GPT2: variants seen among roughly 807,000 people sequenced by gnomAD.
The protein encoded by GPT2 is glutamic--pyruvic transaminase 2, also known as alanine aminotransferase 2.
A neutral mutation model predicts 56.9 loss-of-function variants in GPT2; 30 were observed. The ratio of observed to expected loss-of-function variants is 0.53; its 90% CI spans 0.39 to 0.72. The LOEUF (loss-of-function observed/expected upper bound fraction) is 0.72. Among genes scored for constraint, GPT2 ranks in the 30% least tolerant of loss-of-function variants. GPT2 has a pLI of 0.00. For synonymous variants in GPT2, 271 were observed against 283.1 expected (o/e 0.96, Z 0.43); for missense variants, 542 against 703.4 (o/e 0.77, Z 2.60).
intron 2 of GPT2, chr16:46,885,473 T>G (rs1960465836): frequency 8.1e-6 from 8 of 985,346 alleles, no homozygotes; most frequent in South Asian, 4.7e-5. Flanking sequence ...TTAGGGTCTT[T>G]GCCAATCCTG....
intron 2 of GPT2, among the ~76,000 whole-genome samples, chr16:46,895,973 G>T (rs1960678695): frequency 1.3e-5 from 2 of 152,206 alleles, no homozygotes; most frequent in Admixed American, 1.3e-4. Flanking sequence ...TTGTATTTGG[G>T]GTACCTTTGG....
chr16:46,886,455 C>T (rs947913013), intron 2 of GPT2, among the ~76,000 whole-genome samples: 2 of 152,200 alleles, frequency 1.3e-5, no homozygotes, highest in African/African-American at 4.8e-5. Flanking sequence ...ACTGTCTTTG[C>T]CTTGAGGAAT....
intron 6 of GPT2, among the ~76,000 whole-genome samples, chr16:46,914,643 A>G (rs1341827103): frequency 1.3e-5 from 2 of 152,244 alleles, no homozygotes; most frequent in Non-Finnish European, 2.9e-5. Flanking sequence ...GACAGGAGAC[A>G]CCAAAGCTGG....
intron 2 of GPT2, among the ~76,000 whole-genome samples, chr16:46,891,787 C>A (rs960526907): frequency 3.3e-5 from 5 of 151,652 alleles, no homozygotes; most frequent in African/African-American, 1.2e-4. Flanking sequence ...TATATATACT[C>A]TTTTAGCTTT....
chr16:46,893,241 C>A (rs1469153436), intron 2 of GPT2, among the ~76,000 whole-genome samples: 3 of 152,240 alleles, frequency 2.0e-5, no homozygotes, highest in African/African-American at 7.2e-5. Context: ...CACCATTCTC[C>A]TACCTCAGCC....
At chr16:46,897,112 A>G (rs879345544) in intron 2 of GPT2, among the ~76,000 whole-genome samples, 3 of 152,122 alleles carry the variant, frequency 2.0e-5, no homozygotes, top group Non-Finnish European at 2.9e-5. Context: ...GTCAGGCGCA[A>G]TGGCTCACGC....
chr16:46,897,572 G>C (rs779026675), intron 2 of GPT2, 76 bp from the exon 3 acceptor site: 1 of 1,362,088 alleles, frequency 7.3e-7, no homozygotes, highest in Non-Finnish European at 1.0e-6. Flanking sequence ...AATATCCTGC[G>C]GGAACCTTGC....
chr16:46,909,364 T>A (rs77101269), intron 5 of GPT2, among the ~76,000 whole-genome samples: 2 of 152,172 alleles, frequency 1.3e-5, no homozygotes, highest in East Asian at 3.8e-4. Flanking sequence ...TTGCCCAGGC[T>A]GGTCTCGAAC....
At chr16:46,898,006 C>CAGTGT (rs1424145760) in intron 3 of GPT2, among the ~76,000 whole-genome samples, 5 of 152,088 alleles carry the variant, frequency 3.3e-5, no homozygotes, top group Non-Finnish European at 7.3e-5. Flanking sequence ...TGGGCAAAGG[C>CAGTGT]AGTGGTGGGG....
intron 3 of GPT2, among the ~76,000 whole-genome samples, chr16:46,899,016 T>TTACAC (rs1960759042): frequency 6.3e-4 from 5 of 7,998 alleles, no homozygotes; most frequent in Admixed American, 2.2e-3. Flanking sequence ...TATATATATA[T>TTACAC]ATATATATAT....
Position 46,916,643 on chromosome 16 carries a change from G to A in GPT2, c.836G>A (p.Arg279Lys), listed in dbSNP as rs761896477. The A allele has an allele frequency of 1.2e-5, 19 of 1,613,742 alleles. No homozygotes were observed. Among genetic ancestry groups the A allele is most frequent in the Admixed American group, 1.7e-5 (1 of 60,024 alleles). The change falls in exon 7 of 12, where the codon AGA becomes AAA. Residue 279 changes from arginine to lysine, a missense_variant. Coordinates refer to ENST00000340124, the MANE Select transcript of GPT2 (RefSeq NM_133443.4). ...GATTTTATAGGCCAGGTACAAAGCA[G>A]AAAGTGCATAGAAGATGTGATCCAC... ...PGNPTGQVQSRKCIEDVIHFA... is the reference protein window; with the variant it reads ...PGNPTGQVQSKKCIEDVIHFA...
intron 2 of GPT2, among the ~76,000 whole-genome samples, chr16:46,893,664 C>T (rs572689951): frequency 1.3e-5 from 2 of 152,282 alleles, no homozygotes; most frequent in East Asian, 1.9e-4. Context: ...GTCCCTAGAG[C>T]TGGGGGGTTG....
intron 3 of GPT2, 124 bp from the exon 4 acceptor site, chr16:46,900,558 C>A: frequency 1.4e-6 from 1 of 697,616 alleles, no homozygotes; most frequent in Non-Finnish European, 2.5e-6. Context: ...AGGCTGAGTC[C>A]TCGCAGAGAG....
At chr16:46,897,806 C>A in intron 3 of GPT2, 69 bp downstream of exon 3, 2 of 1,343,564 alleles carry the variant, frequency 1.5e-6, no homozygotes, top group Non-Finnish European at 2.1e-6. Flanking sequence ...GTCATAGGGG[C>A]CGTCCTCTGC....
At chr16:46,911,385 C>G (rs1377038159) in intron 6 of GPT2, among the ~76,000 whole-genome samples, 1 of 152,138 alleles carries the variant, frequency 6.6e-6, no homozygotes, top group Non-Finnish European at 1.5e-5. Context: ...TCGGGAACAT[C>G]AAATGATGCT....
At chr16:46,887,238 G>A (rs1158342450) in intron 2 of GPT2, among the ~76,000 whole-genome samples, 1 of 152,186 alleles carries the variant, frequency 6.6e-6, no homozygotes, top group Non-Finnish European at 1.5e-5. Flanking sequence ...GGAAGCCAAA[G>A]TGGGTGGATC....
chr16:46,897,527 G>C (rs1285550598), intron 2 of GPT2, 121 bp from the exon 3 acceptor site: 2 of 842,666 alleles, frequency 2.4e-6, no homozygotes, highest in East Asian at 5.1e-5. Context: ...CACCAAGTCA[G>C]ATACTTGGTA....
At chr16:46,910,752 G>A (rs1337657341) in intron 6 of GPT2, among the ~76,000 whole-genome samples, 1 of 151,990 alleles carries the variant, frequency 6.6e-6, no homozygotes, top group Admixed American at 6.6e-5. Context: ...GCACCACCAC[G>A]CCCAGCTAAT....
At chr16:46,927,830 G>A (rs1299296429) in intron 11 of GPT2, among the ~76,000 whole-genome samples, 1 of 152,084 alleles carries the variant, frequency 6.6e-6, no homozygotes, top group Admixed American at 6.5e-5. Flanking sequence ...CAAGAGGGCT[G>A]CCAGGAAGGC....
Sources: allele counts gnomAD v4.1 joint callset (sites outside exome capture counted in the v4.1 genomes callset), GRCh38; gene constraint gnomAD v4.1.1; transcripts MANE v1.5; gene names NCBI Gene and HGNC (gene_info 2026-07-23, HGNC 2026-07-21).